The following CACNG4 variants were observed in gnomAD, a reference collection of about 807,000 sequenced individuals.
CACNG4 encodes the protein voltage-dependent calcium channel gamma-4 subunit.
A neutral mutation model predicts 22.9 loss-of-function variants in CACNG4; 8 were observed. That is an observed-to-expected ratio of 0.35 (90% confidence interval 0.21 to 0.63). The LOEUF (loss-of-function observed/expected upper bound fraction) is 0.63. Among genes scored for constraint, CACNG4 ranks in the 30% least tolerant of loss-of-function variants. The probability of loss-of-function intolerance (pLI) is 0.72; values close to 1 mark genes in which losing one functional copy is unlikely to be tolerated. For synonymous variants in CACNG4, 188 were observed against 191.9 expected, an observed-to-expected ratio of 0.98 and a Z score of 0.17; for missense variants, 357 against 455.4, an observed-to-expected ratio of 0.78 and a Z score of 1.97.
Position 66,993,991 on chromosome 17 carries a change from C to T in CACNG4, c.221-24198C>T, listed in dbSNP as rs370816734. 7.9e-5 allele frequency among the ~76,000 whole-genome samples: 12 copies of T among 151,470 alleles called. No homozygotes were observed. In the East Asian group the frequency reaches 2.1e-3, roughly 27 times the overall value. On this transcript the variant is annotated intron_variant, in intron 1 of 3. Coordinates refer to ENST00000262138, the MANE Select transcript of CACNG4 (RefSeq NM_014405.4). ...ATCTGTCTCTATATGTATCCCATAA[C>T]ATCATGTTGTAACCCTCAAATATAC...
intron 1 of CACNG4, among the ~76,000 whole-genome samples, chr17:66,979,599 TCTC>T (rs72367797): frequency 0.06 from 9,092 of 152,152 alleles, 424 homozygotes; most frequent in African/African-American, 0.13. Flanking sequence ...ACTTATCTGA[TCTC>T]CTTCTTCTTT....
At chr17:67,004,848 C>T (rs1298146655) in intron 1 of CACNG4, among the ~76,000 whole-genome samples, 1 of 152,188 alleles carries the variant, frequency 6.6e-6, no homozygotes, top group Non-Finnish European at 1.5e-5. Context: ...CTCAACCTCC[C>T]ACATAGCTGG....
At chr17:66,999,915 A>G (rs1423922076) in intron 1 of CACNG4, among the ~76,000 whole-genome samples, 1 of 152,184 alleles carries the variant, frequency 6.6e-6, no homozygotes, top group Non-Finnish European at 1.5e-5. Flanking sequence ...ATTTAGACGA[A>G]TTAGAGAGAG....
At chr17:66,992,559 T>C (rs1166543654) in intron 1 of CACNG4, among the ~76,000 whole-genome samples, 1 of 152,190 alleles carries the variant, frequency 6.6e-6, no homozygotes, top group African/African-American at 2.4e-5. Context: ...AACCCTGCCA[T>C]GGCTGGATAG....
At chr17:66,992,699 C>G (rs373072411) in intron 1 of CACNG4, among the ~76,000 whole-genome samples, 1 of 152,226 alleles carries the variant, frequency 6.6e-6, no homozygotes, top group African/African-American at 2.4e-5. Flanking sequence ...GAGGCTGTTG[C>G]GTTTGCACCG....
intron 1 of CACNG4, among the ~76,000 whole-genome samples, chr17:66,989,419 G>A (rs954299040): frequency 4.6e-5 from 7 of 151,472 alleles, no homozygotes; most frequent in Admixed American, 6.6e-5. Flanking sequence ...GGGAATGTTC[G>A]GGGTTGCCAG....
chr17:67,028,219 C>T (rs528805539), intron 3 of CACNG4, among the ~76,000 whole-genome samples: 4 of 152,196 alleles, frequency 2.6e-5, no homozygotes, highest in South Asian at 2.1e-4. Context: ...GGACAGAGGA[C>T]GTGGACGGTG....
At position 66,984,642 on chromosome 17, in the gene CACNG4, A is replaced by G. The variant is rs2035294873; in HGVS notation, c.220+19511A>G. Among the ~76,000 whole-genome samples, 1 of 152,124 alleles carries G rather than the reference A, an allele frequency of 6.6e-6. No homozygotes were observed. The highest frequency in any genetic ancestry group is 1.5e-5 in the Non-Finnish European group (1 of 68,022). On this transcript the variant is annotated intron_variant, in intron 1 of 3. Transcript: ENST00000262138. This position sits in a 1 kb window ranked among gnomAD's most constrained non-coding sequence, Gnocchi z 4.0. The stretch of plus-strand genomic sequence containing the variant: ...TTCTGGAGGAGAAAGATACTCCTGT[A>G]TCTGCAGATTCTGAGACTCGGAGCT...
chr17:67,027,585 G>A lies in CACNG4; in HGVS notation c.445+2585G>A, dbSNP rs777817961. Among the ~76,000 whole-genome samples, 1 of 152,234 alleles carries A rather than the reference G, an allele frequency of 6.6e-6. No individual in the cohort carries two copies. The highest frequency in any genetic ancestry group is 1.9e-4 in the East Asian group (1 of 5,190). On this transcript the variant is annotated intron_variant, in intron 3 of 3. Coordinates refer to ENST00000262138, the MANE Select transcript of CACNG4 (RefSeq NM_014405.4). This position sits in a 1 kb window ranked among gnomAD's most constrained non-coding sequence, Gnocchi z 4.3. ...GGAGAGGGACAGTTTCCAAGGCTGGGAAAGTCAGAAGAAGACACAAGACTT... is the reference window on the plus strand; with the variant it reads ...GGAGAGGGACAGTTTCCAAGGCTGGAAAAGTCAGAAGAAGACACAAGACTT...
At chr17:67,005,561 T>A (rs547873617) in intron 1 of CACNG4, among the ~76,000 whole-genome samples, 2 of 152,244 alleles carry the variant, frequency 1.3e-5, no homozygotes, top group Admixed American at 6.5e-5. Context: ...ACAGAGAGAA[T>A]TTAGAGGTAG....
chr17:66,993,790 AAGACGGCGTTTCACC>A (rs930577158), intron 1 of CACNG4, among the ~76,000 whole-genome samples: 21 of 151,922 alleles, frequency 1.4e-4, no homozygotes, highest in African/African-American at 5.1e-4. Context: ...ATTTTCAGTA[AAGACGGCGTTTCACC>A]AGACGGCGTT....
At chr17:67,004,320 C>T (rs1483666585) in intron 1 of CACNG4, among the ~76,000 whole-genome samples, 1 of 152,146 alleles carries the variant, frequency 6.6e-6, no homozygotes, top group Non-Finnish European at 1.5e-5. Flanking sequence ...TTATGAATCT[C>T]GGCAGGAAGC....
chr17:67,028,097 C>T lies in CACNG4; in HGVS notation c.446-2369C>T, dbSNP rs181067429. On this transcript the variant is annotated intron_variant, in intron 3 of 3. Coordinates refer to ENST00000262138, the MANE Select transcript of CACNG4 (RefSeq NM_014405.4). ...TGGAAAGGGTTCTTACAGAACACAACAGAAGAGACAAGGAGTTGAAACCCA... is the reference window on the plus strand; with the variant it reads ...TGGAAAGGGTTCTTACAGAACACAATAGAAGAGACAAGGAGTTGAAACCCA... 6.0e-4 allele frequency among the ~76,000 whole-genome samples: 92 copies of T among 152,224 alleles called. 1 individual carries two copies. Among genetic ancestry groups the T allele is most frequent in the African/African-American group, 2.0e-3 (85 of 41,558 alleles).
chr17:67,023,070 C>T (rs1231325260), intron 2 of CACNG4, among the ~76,000 whole-genome samples: 1 of 152,118 alleles, frequency 6.6e-6, no homozygotes, highest in Non-Finnish European at 1.5e-5. Flanking sequence ...ATTCCTCTCC[C>T]AGCTTTGGAG....
At chr17:67,019,329 G>A (rs554616925) in intron 2 of CACNG4, among the ~76,000 whole-genome samples, 36 of 152,168 alleles carry the variant, frequency 2.4e-4, no homozygotes, top group African/African-American at 2.4e-4. Flanking sequence ...TTTGGCCACC[G>A]CTCTGCCTCC....
chr17:66,981,811 C>T (rs186078373), intron 1 of CACNG4, among the ~76,000 whole-genome samples: 1 of 152,218 alleles, frequency 6.6e-6, no homozygotes, highest in Admixed American at 6.5e-5. Flanking sequence ...GGTATTATCT[C>T]AAGAACTTTC....
At chr17:66,985,768 G>A (rs115033327) in intron 1 of CACNG4, among the ~76,000 whole-genome samples, 30 of 152,258 alleles carry the variant, frequency 2.0e-4, no homozygotes, top group Middle Eastern at 3.4e-3. Context: ...ACAGAGGGAC[G>A]GCCATCTGTT....
chr17:66,987,140 A>G (rs757403434), intron 1 of CACNG4, among the ~76,000 whole-genome samples: 32 of 152,016 alleles, frequency 2.1e-4, no homozygotes, highest in Non-Finnish European at 4.0e-4. Context: ...GGTGATGAAA[A>G]TTTTCTGAAA....
At chr17:66,990,152 G>T (rs2035330456) in intron 1 of CACNG4, among the ~76,000 whole-genome samples, 1 of 152,152 alleles carries the variant, frequency 6.6e-6, no homozygotes, top group Non-Finnish European at 1.5e-5. Flanking sequence ...CCCTTTCTTA[G>T]CTTGGGGACC....
Sources: gnomAD v4.1 joint callset for allele counts (sites outside exome capture counted in the v4.1 genomes callset) on GRCh38, gnomAD v4.1.1 for gene constraint, Gnocchi (gnomAD v3.1) non-coding constraint, MANE v1.5 for transcripts, NCBI Gene and HGNC (gene_info 2026-07-23, HGNC 2026-07-21) for gene names.